The following CYP19A1 variants were observed in gnomAD, a reference collection of about 807,000 sequenced individuals.
CYP19A1 encodes cytochrome P450 family 19 subfamily A member 1, also known as aromatase.
In CYP19A1, 32 loss-of-function variants were observed where a neutral mutation model predicts 44.4. The ratio of observed to expected loss-of-function variants is 0.72; its 90% CI spans 0.54 to 0.97. The LOEUF is 0.97. Ranked by LOEUF, CYP19A1 falls within the 50% of genes least tolerant of loss-of-function variation. The pLI is 0.00. For synonymous variants in CYP19A1, 212 were observed against 215.6 expected, an observed-to-expected ratio of 0.98 and a Z score of 0.14; for missense variants, 598 against 637.8, an observed-to-expected ratio of 0.94 and a Z score of 0.67.
chr15:51,287,050 T>G (rs2035720160), intron 1 of CYP19A1, among the ~76,000 whole-genome samples: 1 of 152,070 alleles, frequency 6.6e-6, no homozygotes, highest in Non-Finnish European at 1.5e-5. Flanking sequence ...TTGGCAAGAG[T>G]GGAGCCGCCA....
chr15:51,222,283 A>G (rs2032157925), intron 5 of CYP19A1, 66 bp downstream of exon 5: 1 of 1,612,696 alleles, frequency 6.2e-7, no homozygotes, highest in African/African-American at 1.3e-5. Flanking sequence ...TTGGTCTGTT[A>G]TCCCTCCTAG....
At chr15:51,312,325 T>C (rs960241485) in intron 1 of CYP19A1, 1 of 152,264 alleles carries the variant, frequency 6.6e-6, no homozygotes, top group African/African-American at 2.4e-5. Flanking sequence ...TGTCAGACTA[T>C]GTTAACTCAC....
At chr15:51,302,643 T>TGATCTTCA (rs1342148572) in intron 1 of CYP19A1, among the ~76,000 whole-genome samples, 1 of 152,170 alleles carries the variant, frequency 6.6e-6, no homozygotes, top group East Asian at 1.9e-4. Flanking sequence ...GATCACAGCC[T>TGATCTTCA]CAAACTGAAG....
At chr15:51,226,904 A>G (rs1033895814) in intron 4 of CYP19A1, among the ~76,000 whole-genome samples, 4 of 152,132 alleles carry the variant, frequency 2.6e-5, no homozygotes, top group African/African-American at 9.7e-5. Flanking sequence ...TCAACTGTTA[A>G]AATCAGAGGC....
intron 1 of CYP19A1, among the ~76,000 whole-genome samples, chr15:51,332,800 T>G (rs2036721848): frequency 6.6e-6 from 1 of 152,194 alleles, no homozygotes; most frequent in Middle Eastern, 3.2e-3. Context: ...TCATCCCTAC[T>G]TCAGGTGTCA....
intron 1 of CYP19A1, among the ~76,000 whole-genome samples, chr15:51,268,430 G>T (rs908396735): frequency 6.6e-6 from 1 of 151,554 alleles, no homozygotes; most frequent in Non-Finnish European, 1.5e-5. Context: ...TCAATAGTTT[G>T]TTCCTTAACA....
At chr15:51,285,364 A>C (rs1228660042) in intron 1 of CYP19A1, among the ~76,000 whole-genome samples, 1 of 152,252 alleles carries the variant, frequency 6.6e-6, no homozygotes, top group African/African-American at 2.4e-5. Context: ...ACCAACTGGC[A>C]ATCAAAGGCT....
intron 2 of CYP19A1, chr15:51,242,098 T>A (rs2033804271): frequency 6.5e-6 from 1 of 153,958 alleles, no homozygotes; most frequent in African/African-American, 2.4e-5. Context: ...ATTGGGATTA[T>A]CTGAATAATT....
At position 51,226,704 on chromosome 15, in the gene CYP19A1, T is replaced by G. The variant is rs748972803; in HGVS notation, c.451+1075A>C. On this transcript the variant is annotated intron_variant, in intron 4 of 9. Transcript: ENST00000396402. ...CACTGACAAGGTTTCCAGGGTATGA[T>G]TATCTTTCTTTATGCTTGATAGTAA... 1.5e-4 allele frequency among the ~76,000 whole-genome samples: 23 copies of G among 152,270 alleles called. 1 individual carries two copies. The highest frequency in any genetic ancestry group is 1.2e-3 in the Admixed American group (18 of 15,300).
intron 1 of CYP19A1, chr15:51,278,781 C>T (rs1297441074): frequency 6.6e-6 from 1 of 152,124 alleles, no homozygotes; most frequent in East Asian, 1.9e-4. Context: ...GGAGGAAATA[C>T]AATCGGTTAA....
chr15:51,258,090 G>C (rs1049950716), intron 1 of CYP19A1, among the ~76,000 whole-genome samples: 1 of 152,190 alleles, frequency 6.6e-6, no homozygotes, highest in African/African-American at 2.4e-5. Context: ...GGATTGAGTG[G>C]TAAAACAGGA....
intron 1 of CYP19A1, among the ~76,000 whole-genome samples, chr15:51,292,300 T>C (rs981487515): frequency 6.6e-6 from 1 of 152,142 alleles, no homozygotes; most frequent in Non-Finnish European, 1.5e-5. Flanking sequence ...TTATAATGTT[T>C]CTCCTTTCAG....
intron 5 of CYP19A1, among the ~76,000 whole-genome samples, chr15:51,220,331 T>A (rs1262698742): frequency 6.6e-6 from 1 of 152,222 alleles, no homozygotes; most frequent in East Asian, 1.9e-4. Flanking sequence ...TATTATTGCC[T>A]AATATTTTAT....
chr15:51,332,255 T>C (rs956891391), intron 1 of CYP19A1, among the ~76,000 whole-genome samples: 8 of 152,160 alleles, frequency 5.3e-5, no homozygotes, highest in African/African-American at 1.9e-4. Context: ...TTTTATTCCA[T>C]TATACCAACA....
chr15:51,328,242 A>G (rs2036642950), intron 1 of CYP19A1, among the ~76,000 whole-genome samples: 1 of 152,206 alleles, frequency 6.6e-6, no homozygotes, highest in Non-Finnish European at 1.5e-5. Flanking sequence ...CAAAAAATAA[A>G]TCCTGTGTGT....
chr15:51,208,762 C>G lies in CYP19A1; in HGVS notation c.*2046G>C, dbSNP rs969904926. ...CCCCATGTCCCTCACTCCCACCCCC[C>G]ACCCTTCCACTCCCAGTTTTCCCCC... is the stretch of plus-strand genomic sequence containing the variant. On this transcript the variant is annotated 3_prime_UTR_variant, in exon 10 of 10. Transcript: ENST00000396402. 7.5e-6 allele frequency: 1 copy of G among 132,546 alleles called. No individual in the cohort carries two copies. The highest frequency in any genetic ancestry group is 2.8e-4 in the East Asian group (1 of 3,632). The allele number at this position is 132,546 out of a possible 1,614,324, so 8.2% of individuals were successfully genotyped here. A position where few individuals can be genotyped will look rare whatever the true frequency, so the allele number is the denominator to read the frequency against.
In CYP19A1 at chr15:51,338,542, T is replaced by G. The variant is rs2036814490; in HGVS notation, c.-86A>C. On this transcript the variant is annotated 5_prime_UTR_variant, in exon 1 of 10. Coordinates refer to ENST00000396402, the MANE Select transcript of CYP19A1 (RefSeq NM_000103.4). Reference sequence around the variant, plus strand: ...CACAGGACCTTCCGTCCTGATAGGATAAGTTCTTCTTCACCTTCCTGTTTG... The same window carrying G: ...CACAGGACCTTCCGTCCTGATAGGAGAAGTTCTTCTTCACCTTCCTGTTTG... 6.6e-6 allele frequency: 1 copy of G among 152,254 alleles called. No homozygotes were observed. The highest frequency in any genetic ancestry group is 1.5e-5 in the Non-Finnish European group (1 of 68,104). The allele number at this position is 152,254 out of a possible 1,614,324, so 9.4% of individuals were successfully genotyped here.
At chr15:51,299,828 C>T (rs2036075919) in intron 1 of CYP19A1, among the ~76,000 whole-genome samples, 1 of 152,162 alleles carries the variant, frequency 6.6e-6, no homozygotes, top group African/African-American at 2.4e-5. Flanking sequence ...GGGGAGCACC[C>T]AACCAAATGG....
chr15:51,218,356 T>C lies in CYP19A1; in HGVS notation c.743+185A>G, dbSNP rs369916472. ...GCCCAGCCAAAGGCTTCATTTACTCTCTGGTCTGGCCAAATGCAGCCAAAT... is the reference window on the plus strand; with the variant it reads ...GCCCAGCCAAAGGCTTCATTTACTCCCTGGTCTGGCCAAATGCAGCCAAAT... On this transcript the variant is annotated intron_variant, in intron 6 of 9. Coordinates refer to ENST00000396402, the MANE Select transcript of CYP19A1 (RefSeq NM_000103.4). 1.4e-3 allele frequency: 1,234 copies of C among 858,060 alleles called. 1 individual carries two copies. Among genetic ancestry groups the C allele is most frequent in the Non-Finnish European group, 2.0e-3 (1,146 of 584,302 alleles). The allele number at this position is 858,060 out of a possible 1,614,324, so 53.2% of individuals were successfully genotyped here.
Sources: gnomAD v4.1 joint callset for allele counts (sites outside exome capture counted in the v4.1 genomes callset) on GRCh38, gnomAD v4.1.1 for gene constraint, MANE v1.5 for transcripts, NCBI Gene and HGNC (gene_info 2026-07-23, HGNC 2026-07-21) for gene names.